The following MAGI1 variants were observed in gnomAD, a reference collection of about 807,000 sequenced individuals.
MAGI1 encodes the protein membrane associated guanylate kinase, WW and PDZ domain containing 1.
A neutral mutation model predicts 139.9 loss-of-function variants in MAGI1; 58 were observed. That is an observed-to-expected ratio of 0.41 (90% CI 0.34 to 0.52). MAGI1 has a LOEUF of 0.52. MAGI1 is among the 20% of genes least tolerant of loss of function. The pLI is 0.12. For synonymous variants in MAGI1, 812 were observed against 737.9 expected, an observed-to-expected ratio of 1.10 and a Z score of -1.63; for missense variants, 1,874 against 1,901.6, an observed-to-expected ratio of 0.99 and a Z score of 0.27.
chr3:65,803,253 T>G (rs1278180897), intron 1 of MAGI1, among the ~76,000 whole-genome samples: 1 of 152,134 alleles, frequency 6.6e-6, no homozygotes, highest in South Asian at 2.1e-4. Flanking sequence ...CAGGTGACAA[T>G]TTAACACTGT....
At chr3:65,692,544 C>T (rs1373820733) in intron 1 of MAGI1, among the ~76,000 whole-genome samples, 2 of 152,132 alleles carry the variant, frequency 1.3e-5, no homozygotes, top group Non-Finnish European at 2.9e-5. Context: ...AGTGTCATCA[C>T]CAACATCATC....
intron 5 of MAGI1, among the ~76,000 whole-genome samples, chr3:65,465,246 AAAAAGAAAACTC>A (rs1950093450): frequency 1.3e-5 from 2 of 151,556 alleles, no homozygotes; most frequent in South Asian, 4.1e-4. Flanking sequence ...AAAAATGGGA[AAAAAGAAAACTC>A]AAAAGATGAA....
intron 1 of MAGI1, among the ~76,000 whole-genome samples, chr3:65,662,514 A>G (rs1192457690): frequency 6.6e-6 from 1 of 152,176 alleles, no homozygotes; most frequent in African/African-American, 2.4e-5. Context: ...TTTACCAATC[A>G]CTGATCTAAA....
chr3:65,819,063 G>A (rs2108240713), intron 1 of MAGI1, among the ~76,000 whole-genome samples: 1 of 152,236 alleles, frequency 6.6e-6, no homozygotes, highest in Non-Finnish European at 1.5e-5. Flanking sequence ...GAGGAGGGCG[G>A]ATTACAAGGT....
In MAGI1 at chr3:65,355,440, G is replaced by C. The variant is rs1940156038; in HGVS notation, c.*938C>G. 6.6e-6 allele frequency: 1 copy of C among 152,310 alleles called. No homozygotes were observed. Among genetic ancestry groups the C allele is most frequent in the African/African-American group, 2.4e-5 (1 of 41,454 alleles). 9.4% of individuals were successfully genotyped at this position (152,310 alleles called of 1,614,324 possible). On this transcript the variant is annotated 3_prime_UTR_variant, in exon 23 of 23. Transcript: ENST00000402939. ...AACCATGGGCTTCTACTAAAAGGGAGGGGGGCATGCTTTCCAAATTGGGGA... is the reference window on the plus strand; with the variant it reads ...AACCATGGGCTTCTACTAAAAGGGACGGGGGCATGCTTTCCAAATTGGGGA...
At chr3:65,461,840 C>T (rs145275149) in intron 5 of MAGI1, among the ~76,000 whole-genome samples, 90 of 152,272 alleles carry the variant, frequency 5.9e-4, no homozygotes, top group African/African-American at 2.1e-3. Context: ...GATGGTATCT[C>T]ATTGTGGTTT....
intron 1 of MAGI1, among the ~76,000 whole-genome samples, chr3:65,898,282 T>C (rs1355006943): frequency 6.6e-6 from 1 of 152,200 alleles, no homozygotes; most frequent in Non-Finnish European, 1.5e-5. Context: ...CAAATAATGG[T>C]CCACTGAACA....
intron 2 of MAGI1, among the ~76,000 whole-genome samples, chr3:65,495,176 G>C (rs71306766): frequency 2.0e-5 from 3 of 152,142 alleles, no homozygotes; most frequent in Non-Finnish European, 4.4e-5. Context: ...GGGAATCCTA[G>C]GTTCATGGTC....
intron 1 of MAGI1, among the ~76,000 whole-genome samples, chr3:65,627,485 C>CTT (rs779588733): frequency 7.1e-5 from 2 of 28,354 alleles, no homozygotes; most frequent in African/African-American, 2.4e-4. Context: ...ATTTCTGTAT[C>CTT]TTTTTTTTTT....
At chr3:65,752,117 T>C (rs2036204143) in intron 1 of MAGI1, among the ~76,000 whole-genome samples, 1 of 152,134 alleles carries the variant, frequency 6.6e-6, no homozygotes, top group Admixed American at 6.5e-5. Context: ...CTAAATTTTT[T>C]TTTGTATTTT....
intron 1 of MAGI1, among the ~76,000 whole-genome samples, chr3:65,878,188 C>T (rs956569076): frequency 2.0e-5 from 3 of 152,018 alleles, no homozygotes; most frequent in Non-Finnish European, 4.4e-5. Context: ...TCACCTAACA[C>T]GGTTTCCAGG....
intron 1 of MAGI1, among the ~76,000 whole-genome samples, chr3:65,923,509 G>C (rs1017590290): frequency 1.6e-4 from 24 of 152,176 alleles, no homozygotes; most frequent in Admixed American, 1.2e-3. Flanking sequence ...ACAGGCATGA[G>C]CCACCACGCC....
At chr3:65,989,578 C>T (rs983010909) in intron 1 of MAGI1, among the ~76,000 whole-genome samples, 1 of 152,146 alleles carries the variant, frequency 6.6e-6, no homozygotes, top group African/African-American at 2.4e-5. Context: ...AGCTTTGCCA[C>T]CCAGGCTGGA....
intron 1 of MAGI1, among the ~76,000 whole-genome samples, chr3:65,747,580 G>A (rs943522535): frequency 2.5e-4 from 38 of 152,040 alleles, no homozygotes; most frequent in African/African-American, 8.7e-4. Flanking sequence ...AAATATGCAG[G>A]GAATAAAAGC....
At chr3:65,928,849 A>C (rs2062652934) in intron 1 of MAGI1, among the ~76,000 whole-genome samples, 1 of 152,122 alleles carries the variant, frequency 6.6e-6, no homozygotes, top group Admixed American at 6.5e-5. Flanking sequence ...AAAATAATGA[A>C]ACCTTCTCTG....
intron 2 of MAGI1, among the ~76,000 whole-genome samples, chr3:65,603,458 T>C: frequency 6.6e-6 from 1 of 152,288 alleles, no homozygotes; most frequent in South Asian, 2.1e-4. Context: ...TGACAATTAT[T>C]TGGAATAAAA....
intron 1 of MAGI1, among the ~76,000 whole-genome samples, chr3:65,861,701 A>T (rs1374196521): frequency 2.0e-5 from 3 of 152,144 alleles, no homozygotes; most frequent in African/African-American, 7.2e-5. Context: ...GGGAGCTTGC[A>T]GAGGGAAGGG....
intron 1 of MAGI1, chr3:65,924,786 A>C (rs985534419): frequency 7.2e-5 from 11 of 152,400 alleles, no homozygotes; most frequent in African/African-American, 2.7e-4. Flanking sequence ...TGCCTACCTC[A>C]TAAGACTGTT....
intron 1 of MAGI1, among the ~76,000 whole-genome samples, chr3:65,734,586 AGG>A (rs1491569832): frequency 6.6e-6 from 1 of 150,816 alleles, no homozygotes; most frequent in Non-Finnish European, 1.5e-5. Flanking sequence ...AGAGAGAGAG[AGG>A]GAGAGAGAGA....
Sources: allele counts gnomAD v4.1 joint callset (sites outside exome capture counted in the v4.1 genomes callset), GRCh38; gene constraint gnomAD v4.1.1; transcripts MANE v1.5; gene names NCBI Gene and HGNC (gene_info 2026-07-23, HGNC 2026-07-21).